INSL6: variants seen among roughly 807,000 people sequenced by gnomAD.
The protein encoded by INSL6 is insulin-like peptide INSL6.
INSL6 carries 16 observed loss-of-function variants against 9.4 expected under a neutral mutation model. The observed-to-expected ratio is 1.70, with a 90% CI of 1.15 to 2.59. The LOEUF (loss-of-function observed/expected upper bound fraction) is 2.59. INSL6 is among the 30% of genes most tolerant of loss of function. The pLI is 0.00. For missense variants in INSL6, 391 were observed against 257.3 expected, an observed-to-expected ratio of 1.52 and a Z score of -3.56; for synonymous variants, 154 against 96.9, an observed-to-expected ratio of 1.59 and a Z score of -3.46.
At chr9:5,046,879 G>A in the INSL6 span, among the ~76,000 whole-genome samples, 1 of 152,022 alleles carries the variant, frequency 6.6e-6, no homozygotes, top group Non-Finnish European at 1.5e-5. Flanking sequence ...ATATTTTGGG[G>A]GTAGGCTAGT....
intron 3 of INSL6, among the ~76,000 whole-genome samples, chr9:5,125,631 T>A (rs2130862192): frequency 6.8e-6 from 1 of 146,312 alleles, no homozygotes; most frequent in East Asian, 2.0e-4. Flanking sequence ...TGCATAGGGA[T>A]GTACATTTCA....
intron 3 of INSL6, among the ~76,000 whole-genome samples, chr9:5,130,722 T>A (rs1256593868): frequency 2.0e-5 from 3 of 150,912 alleles, no homozygotes; most frequent in East Asian, 3.9e-4. Flanking sequence ...TTTTTTTATT[T>A]TTTATTTTTT....
chr9:5,119,688 G>T (rs1823468003), downstream of INSL6, among the ~76,000 whole-genome samples: 1 of 152,062 alleles, frequency 6.6e-6, no homozygotes. Context: ...AAATGTGTTA[G>T]GGGGAGGTAT....
chr9:5,156,730 T>C (rs1824820768), intron 2 of INSL6, among the ~76,000 whole-genome samples: 1 of 151,838 alleles, frequency 6.6e-6, no homozygotes, highest in East Asian at 1.9e-4. Flanking sequence ...AAAGAAAAAA[T>C]AAAAGTCTCT....
the INSL6 span, chr9:5,085,082 C>T: frequency 1.5e-6 from 1 of 673,668 alleles, no homozygotes; most frequent in South Asian, 1.4e-5. Context: ...TCTCTTATTG[C>T]TTCATGGCAG....
At chr9:5,132,568 C>G (rs186871408) in intron 3 of INSL6, among the ~76,000 whole-genome samples, 1 of 150,966 alleles carries the variant, frequency 6.6e-6, no homozygotes, top group East Asian at 1.9e-4. Context: ...AAAAAAAAGA[C>G]TATCCATATT....
At chr9:5,056,105 C>A in the INSL6 span, among the ~76,000 whole-genome samples, 1 of 151,942 alleles carries the variant, frequency 6.6e-6, no homozygotes, top group African/African-American at 2.4e-5. Context: ...TCACCCCTGA[C>A]TAAAATATTT....
intron 3 of INSL6, among the ~76,000 whole-genome samples, chr9:5,131,491 G>C (rs1336823885): frequency 1.6e-4 from 22 of 139,566 alleles, no homozygotes; most frequent in South Asian, 1.1e-3. Context: ...AGGCTGGAGT[G>C]CAATGGCGTG....
At chr9:5,112,505 A>T in the INSL6 span, 1 of 565,050 alleles carries the variant, frequency 1.8e-6, no homozygotes, top group Non-Finnish European at 3.2e-6. Flanking sequence ...GAGGAAGATG[A>T]CCTTTTCCCC....
At chr9:5,039,138 T>C in the INSL6 span, among the ~76,000 whole-genome samples, 2 of 152,100 alleles carry the variant, frequency 1.3e-5, no homozygotes, top group Non-Finnish European at 2.9e-5. Context: ...TTTAACACTA[T>C]ACTGTAGATT....
the INSL6 span, among the ~76,000 whole-genome samples, chr9:4,992,662 T>C: frequency 1.3e-5 from 2 of 152,168 alleles, no homozygotes; most frequent in South Asian, 2.1e-4. Context: ...AGGTACAGAA[T>C]AGTTTTCTTG....
At chr9:5,013,821 A>G in the INSL6 span, among the ~76,000 whole-genome samples, 17 of 152,270 alleles carry the variant, frequency 1.1e-4, no homozygotes, top group East Asian at 3.1e-3. Flanking sequence ...TTTACTATAA[A>G]TCATAGATTT....
chr9:5,030,861 T>A, the INSL6 span, among the ~76,000 whole-genome samples: 1 of 152,090 alleles, frequency 6.6e-6, no homozygotes, highest in Non-Finnish European at 1.5e-5. Flanking sequence ...AAATATTTTT[T>A]ATATAATTAT....
intron 2 of INSL6, among the ~76,000 whole-genome samples, chr9:5,135,351 G>A (rs1210910951): frequency 6.7e-6 from 1 of 149,244 alleles, no homozygotes; most frequent in South Asian, 2.1e-4. Context: ...GACATCTACA[G>A]AACTCTGCAC....
chr9:5,163,173 G>C (rs1003882999), downstream of INSL6, among the ~76,000 whole-genome samples: 1 of 152,132 alleles, frequency 6.6e-6, no homozygotes, highest in Non-Finnish European at 1.5e-5. Flanking sequence ...TGATTCAGTA[G>C]GTTTGAGGTG....
At chr9:5,108,059 A>T in the INSL6 span, 11 of 152,084 alleles carry the variant, frequency 7.2e-5, 1 homozygote, top group African/African-American at 2.7e-4. Context: ...AACCAATTCA[A>T]CAGTAACTCA....
At chr9:5,144,424 C>T (rs539149153) in intron 2 of INSL6, among the ~76,000 whole-genome samples, 26 of 151,572 alleles carry the variant, frequency 1.7e-4, no homozygotes, top group African/African-American at 3.1e-4. Flanking sequence ...CTTCTGATTA[C>T]GTAATTGCTT....
chr9:5,023,896 T>A, the INSL6 span, among the ~76,000 whole-genome samples: 1 of 152,286 alleles, frequency 6.6e-6, no homozygotes, highest in East Asian at 1.9e-4. Flanking sequence ...CTTGTAAGAT[T>A]TTTTTAGCTT....
chr9:5,006,600 A>AG, the INSL6 span, among the ~76,000 whole-genome samples: 1 of 152,176 alleles, frequency 6.6e-6, no homozygotes, highest in Non-Finnish European at 1.5e-5. Context: ...TAGAAGGTGA[A>AG]GGGGAAAAAA....
Sources: gnomAD v4.1 joint callset for allele counts (sites outside exome capture counted in the v4.1 genomes callset) on GRCh38, gnomAD v4.1.1 for gene constraint, MANE v1.5 for transcripts, NCBI Gene and HGNC (gene_info 2026-07-23, HGNC 2026-07-21) for gene names.